GAB1: variants seen among roughly 807,000 people sequenced by gnomAD.
The protein encoded by GAB1 is GRB2 associated binding protein 1.
A neutral mutation model predicts 66.5 loss-of-function variants in GAB1; 19 were observed. That is an observed-to-expected ratio of 0.29 (90% CI 0.20 to 0.42). The LOEUF is 0.42. GAB1 is among the 10% of genes least tolerant of loss of function. The pLI, the probability that GAB1 is intolerant of heterozygous loss-of-function variation, is 1.00. For synonymous variants in GAB1, 294 were observed against 301.4 expected (o/e 0.98, Z 0.25); for missense variants, 732 against 858.5 (o/e 0.85, Z 1.84).
intron 1 of GAB1, among the ~76,000 whole-genome samples, chr4:143,368,438 CTTG>C (rs1729978273): frequency 1.3e-5 from 2 of 152,148 alleles, no homozygotes; most frequent in East Asian, 1.9e-4. Flanking sequence ...AGTTTGAAAA[CTTG>C]TTGGAGTAGG....
At chr4:143,372,873 C>T (rs79687985) in intron 1 of GAB1, among the ~76,000 whole-genome samples, 2,724 of 152,328 alleles carry the variant, frequency 0.018, 33 homozygotes, top group Middle Eastern at 0.037. Context: ...TACTCTTTAA[C>T]TGTCCTGGTC....
rs149408396 is a variant in GAB1 at position 143,359,398 on chromosome 4, T to C, written c.72+22138T>C. On this transcript the variant is annotated intron_variant, in intron 1 of 9. Transcript: ENST00000262994. ...ACCCACGGAAGCATTTTTATCTGTC[T>C]TTACCCAATATGAAAACAGTAAAGG... Among the ~76,000 whole-genome samples, 1,383 of 152,276 alleles carry C rather than the reference T, an allele frequency of 9.1e-3. 21 individuals are homozygous for C. The highest frequency in any genetic ancestry group is 0.032 in the African/African-American group (1,321 of 41,536).
intron 6 of GAB1, among the ~76,000 whole-genome samples, 172 bp from the exon 7 acceptor site, chr4:143,459,213 A>G (rs578132264): frequency 1.3e-5 from 2 of 152,262 alleles, no homozygotes; most frequent in Admixed American, 6.5e-5. Flanking sequence ...TTACTTAGCT[A>G]TGTAACCTTG....
intron 8 of GAB1, among the ~76,000 whole-genome samples, chr4:143,465,130 A>G (rs1347232316): frequency 1.3e-5 from 2 of 152,242 alleles, no homozygotes; most frequent in African/African-American, 4.8e-5. Flanking sequence ...GGAGTAAGGC[A>G]TGGAAACAAG....
chr4:143,339,972 C>T (rs1232260663), intron 1 of GAB1, among the ~76,000 whole-genome samples: 1 of 151,972 alleles, frequency 6.6e-6, no homozygotes, highest in Non-Finnish European at 1.5e-5. Context: ...GTAGACAGGG[C>T]GGCTGTCAGA....
intron 1 of GAB1, among the ~76,000 whole-genome samples, chr4:143,342,295 C>T (rs1042714141): frequency 2.6e-5 from 4 of 152,074 alleles, no homozygotes; most frequent in Non-Finnish European, 5.9e-5. Context: ...TCTGCTGGCT[C>T]TTTAAAATTA....
rs985387126 is a variant in GAB1, at chr4:143,349,775, C to T, written c.72+12515C>T. 13 of 1,591,504 alleles carry T rather than the reference C, an allele frequency of 8.2e-6. 1 individual carries two copies. In the East Asian group the frequency reaches 1.1e-4, roughly 14 times the overall value. ...TGGCCATTGTAGTCCCCGATAGCAA[C>T]GAATGCCTTGAACCTCGTGCGCTGG... On this transcript the variant is annotated intron_variant, in intron 1 of 9. Transcript: ENST00000262994.
At chr4:143,379,835 T>G (rs1014694728) in intron 1 of GAB1, among the ~76,000 whole-genome samples, 1 of 151,922 alleles carries the variant, frequency 6.6e-6, no homozygotes, top group South Asian at 2.1e-4. Flanking sequence ...CTATCCTGCC[T>G]TGGCCTCTCA....
At chr4:143,341,480 C>A (rs1179516060) in intron 1 of GAB1, among the ~76,000 whole-genome samples, 2 of 152,210 alleles carry the variant, frequency 1.3e-5, no homozygotes, top group Non-Finnish European at 1.5e-5. Context: ...AGTTTGGGCT[C>A]CTCCATAGCC....
chr4:143,343,398 A>AG (rs1728887270), intron 1 of GAB1: 1 of 154,704 alleles, frequency 6.5e-6, no homozygotes, highest in Admixed American at 6.5e-5. Flanking sequence ...ACCTGCATGC[A>AG]GGGCCTTTGG....
intron 1 of GAB1, among the ~76,000 whole-genome samples, chr4:143,366,382 A>G (rs1282788646): frequency 1.3e-5 from 2 of 152,214 alleles, no homozygotes; most frequent in South Asian, 2.1e-4. Flanking sequence ...GGAACAAACC[A>G]TTTAATTCTA....
chr4:143,433,086 G>T lies in GAB1; in HGVS notation c.368-405G>T, dbSNP rs1248544457. Among the ~76,000 whole-genome samples the T allele has an allele frequency of 1.3e-5, 2 of 152,164 alleles. 1 individual carries two copies. The highest frequency in any genetic ancestry group is 4.1e-4 in the South Asian group (2 of 4,826). Reference sequence around the variant, plus strand: ...GGCCCTGGTACTCACAGGACCACAGGCCTGGTAAATACTATGTAATTAAAT... The same window carrying T: ...GGCCCTGGTACTCACAGGACCACAGTCCTGGTAAATACTATGTAATTAAAT... On this transcript the variant is annotated intron_variant, in intron 2 of 9. Coordinates refer to ENST00000262994, the MANE Select transcript of GAB1 (RefSeq NM_002039.4).
intron 1 of GAB1, among the ~76,000 whole-genome samples, chr4:143,397,623 A>C (rs1234610127): frequency 6.6e-6 from 1 of 152,228 alleles, no homozygotes; most frequent in African/African-American, 2.4e-5. Flanking sequence ...AAATATAGTA[A>C]ATTTTAAGAA....
intron 1 of GAB1, among the ~76,000 whole-genome samples, chr4:143,338,657 A>G (rs1343783827): frequency 1.3e-5 from 2 of 151,928 alleles, no homozygotes; most frequent in African/African-American, 4.8e-5. Flanking sequence ...CTTTATTCCA[A>G]AAATATGAAC....
At chr4:143,356,716 G>A (rs763489009) in intron 1 of GAB1, among the ~76,000 whole-genome samples, 4 of 152,154 alleles carry the variant, frequency 2.6e-5, no homozygotes, top group Non-Finnish European at 4.4e-5. Flanking sequence ...CAAACACCAC[G>A]TTAGCCTCAT....
intron 1 of GAB1, among the ~76,000 whole-genome samples, chr4:143,383,603 G>A (rs1730749918): frequency 6.6e-6 from 1 of 152,094 alleles, no homozygotes; most frequent in African/African-American, 2.4e-5. Flanking sequence ...TATTTATATA[G>A]CTATATATAG....
chr4:143,434,267 G>T, intron 3 of GAB1: 1 of 422,340 alleles, frequency 2.4e-6, no homozygotes, highest in Non-Finnish European at 3.8e-6. Flanking sequence ...TTGGATGTTA[G>T]TGAAATTTGA....
At chr4:143,403,657 G>A (rs952406658) in intron 1 of GAB1, among the ~76,000 whole-genome samples, 2 of 152,128 alleles carry the variant, frequency 1.3e-5, no homozygotes, top group Non-Finnish European at 2.9e-5. Context: ...TTGGCACTTG[G>A]GCTGAGCCTT....
intron 1 of GAB1, among the ~76,000 whole-genome samples, chr4:143,368,101 G>A (rs773425398): frequency 4.6e-5 from 7 of 151,752 alleles, no homozygotes; most frequent in Non-Finnish European, 8.8e-5. Flanking sequence ...GACTTTGATC[G>A]TGGACTAGTA....
Sources: allele counts gnomAD v4.1 joint callset (sites outside exome capture counted in the v4.1 genomes callset), GRCh38; gene constraint gnomAD v4.1.1; transcripts MANE v1.5; gene names NCBI Gene and HGNC (gene_info 2026-07-23, HGNC 2026-07-21).